The following TRIM55 variants were observed in gnomAD, a reference collection of about 807,000 sequenced individuals.
The protein encoded by TRIM55 is tripartite motif-containing protein 55.
TRIM55 carries 50 observed loss-of-function variants against 60.9 expected under a neutral mutation model. The ratio of observed to expected loss-of-function variants is 0.82; its 90% CI spans 0.65 to 1.04. The LOEUF is 1.04. Ranked by LOEUF, TRIM55 falls within the 50% of genes least tolerant of loss-of-function variation. TRIM55 has a pLI of 0.00. For synonymous variants in TRIM55, 237 were observed against 238.1 expected, an observed-to-expected ratio of 1.00 and a Z score of 0.04; for missense variants, 681 against 666.9, an observed-to-expected ratio of 1.02 and a Z score of -0.23.
At chr8:66,124,641 C>G (rs528585468), upstream of TRIM55, among the ~76,000 whole-genome samples, 3 of 151,992 alleles carry the variant, frequency 2.0e-5, no homozygotes, top group African/African-American at 7.3e-5. Context: ...ATTGGTATCC[C>G]AAAATCATTA....
At position 66,152,393 on chromosome 8, in the gene TRIM55, A is replaced by T. The variant is rs1430453842; in HGVS notation, c.1002A>T (p.Glu334Asp). The T allele has an allele frequency of 1.3e-6, 2 of 1,595,848 alleles. No homozygotes were observed. Among genetic ancestry groups the T allele is most frequent in the African/African-American group, 2.7e-5 (2 of 74,694 alleles). ...IDFYREDEDE[E>D]EEEGGEGEKE... ...CCTTACCAGAAGATGAAGATGAAGA[A>T]GAAGAAGAAGGCGGAGAAGGAGAAA... The change falls in exon 8 of 10, where the codon GAA becomes GAT. Residue 334 changes from glutamate (E) to aspartate (D), a missense_variant. Physicochemically the swap from Glu to Asp is conservative, Grantham distance 45 (BLOSUM62 2). Transcript: ENST00000315962.
intron 2 of TRIM55, among the ~76,000 whole-genome samples, chr8:66,128,919 C>T (rs1808708981): frequency 6.6e-6 from 1 of 152,146 alleles, no homozygotes; most frequent in African/African-American, 2.4e-5. Context: ...GTTCCTAGTT[C>T]AGACAGTCTT....
upstream of TRIM55, among the ~76,000 whole-genome samples, chr8:66,124,908 G>A (rs1808763227): frequency 6.6e-6 from 1 of 152,190 alleles, no homozygotes; most frequent in African/African-American, 2.4e-5. Context: ...CTGCTCACCT[G>A]AGACAAATGC....
intron 1 of TRIM55, among the ~76,000 whole-genome samples, chr8:66,127,829 T>G (rs922555085): frequency 6.6e-6 from 1 of 152,190 alleles, no homozygotes; most frequent in Non-Finnish European, 1.5e-5. Flanking sequence ...AGCAAGACTC[T>G]GTCTCAAAAA....
At chr8:66,125,165 T>C (rs1428068917), upstream of TRIM55, among the ~76,000 whole-genome samples, 2 of 152,236 alleles carry the variant, frequency 1.3e-5, no homozygotes, top group African/African-American at 4.8e-5. Flanking sequence ...AAATCTTCTT[T>C]GGAGAAAGAT....
At chr8:66,135,629 A>C (rs142610821) in intron 3 of TRIM55, among the ~76,000 whole-genome samples, 2,827 of 152,206 alleles carry the variant, frequency 0.019, 42 homozygotes, top group Non-Finnish European at 0.026. Context: ...ACTCTTAGTG[A>C]GGGAGGGTTA....
intron 4 of TRIM55, among the ~76,000 whole-genome samples, chr8:66,137,694 G>C (rs1164329223): frequency 1.4e-5 from 2 of 147,502 alleles, no homozygotes; most frequent in African/African-American, 5.0e-5. Context: ...GAGGCCAAGA[G>C]TTTGAGCTCA....
At chr8:66,114,959 A>G in the TRIM55 span, 1 of 177,672 alleles carries the variant, frequency 5.6e-6, no homozygotes, top group Non-Finnish European at 1.2e-5. Flanking sequence ...CAAACACAAG[A>G]CAACAACAAA....
chr8:66,158,577 C>T (rs879599291), intron 9 of TRIM55, among the ~76,000 whole-genome samples: 4 of 152,192 alleles, frequency 2.6e-5, no homozygotes, highest in Admixed American at 6.5e-5. Context: ...GACTACTTAA[C>T]GAATAGATTC....
chr8:66,157,072 C>T (rs527472626), intron 9 of TRIM55, among the ~76,000 whole-genome samples: 4 of 152,242 alleles, frequency 2.6e-5, no homozygotes, highest in South Asian at 4.1e-4. Flanking sequence ...TCTGAGAATT[C>T]GGGTTTAGGG....
At chr8:66,171,880 T>C (rs1347145972) in intron 9 of TRIM55, among the ~76,000 whole-genome samples, 1 of 152,222 alleles carries the variant, frequency 6.6e-6, no homozygotes, top group African/African-American at 2.4e-5. Context: ...TTGATGCCTG[T>C]GATTACAGCA....
rs139726988 is a variant in TRIM55, at chr8:66,143,630, T to G, written c.604-6015T>G. Among the ~76,000 whole-genome samples, 1,172 of 152,264 alleles carry G rather than the reference T, an allele frequency of 7.7e-3. 16 individuals carry two copies. The highest frequency in any genetic ancestry group is 0.027 in the African/African-American group (1,112 of 41,548). ...TGAAGCAGAAGCTTGGAATATCCAC[T>G]TAAATACCTATTTCTTTGGAACAGA... On this transcript the variant is annotated intron_variant, in intron 4 of 9. Coordinates refer to ENST00000315962, the MANE Select transcript of TRIM55 (RefSeq NM_184085.2).
At chr8:66,153,941 G>C in intron 8 of TRIM55, 106 bp from the exon 9 acceptor site, 1 of 1,100,148 alleles carries the variant, frequency 9.1e-7, no homozygotes, top group Non-Finnish European at 1.3e-6. Context: ...ACTGCATGCA[G>C]GGAGCGCACA....
intron 7 of TRIM55, among the ~76,000 whole-genome samples, chr8:66,151,850 TAATAAATAAATAAATA>T (rs199757226): frequency 0.042 from 6,062 of 142,690 alleles, 160 homozygotes; most frequent in Non-Finnish European, 0.046. Context: ...TCTCAAAAAA[TAATAAATAAATAAATA>T]AATAAATAAA....
rs117286857 is a variant in TRIM55, at chr8:66,136,107, C to T, written c.507+952C>T. Among the ~76,000 whole-genome samples the T allele has an allele frequency of 9.2e-5, 14 of 152,336 alleles. No individual in the cohort carries two copies. In the East Asian group the frequency reaches 2.7e-3, roughly 29 times the overall value. On this transcript the variant is annotated intron_variant, in intron 3 of 9. Transcript: ENST00000315962. ...AGAAACAGATTTTGCAAATTATCCACAACATTTGTTTATTTTTGAATCCAG... is the reference window on the plus strand; with the variant it reads ...AGAAACAGATTTTGCAAATTATCCATAACATTTGTTTATTTTTGAATCCAG...
chr8:66,161,845 G>A (rs570450438), intron 9 of TRIM55, among the ~76,000 whole-genome samples: 1 of 151,234 alleles, frequency 6.6e-6, no homozygotes, highest in South Asian at 2.1e-4. Flanking sequence ...GTATAGCAGA[G>A]CTACTGATTT....
At chr8:66,117,113 T>G in the TRIM55 span, among the ~76,000 whole-genome samples, 1 of 152,206 alleles carries the variant, frequency 6.6e-6, no homozygotes, top group Non-Finnish European at 1.5e-5. Flanking sequence ...TTTTTAAAAC[T>G]GTCAGCAAAT....
chr8:66,119,220 G>A, the TRIM55 span, among the ~76,000 whole-genome samples: 1 of 152,034 alleles, frequency 6.6e-6, no homozygotes. Flanking sequence ...ACTTCCAGTG[G>A]GCACAAGAAA....
chr8:66,147,120 T>C (rs929373481), intron 4 of TRIM55, among the ~76,000 whole-genome samples: 1 of 152,264 alleles, frequency 6.6e-6, no homozygotes, highest in Admixed American at 6.5e-5. Context: ...GCCTACCATA[T>C]TGAATTACAT....
Sources: gnomAD v4.1 joint callset for allele counts (sites outside exome capture counted in the v4.1 genomes callset) on GRCh38, gnomAD v4.1.1 for gene constraint, MANE v1.5 for transcripts, NCBI Gene and HGNC (gene_info 2026-07-23, HGNC 2026-07-21) for gene names.